Variants in FTO observed in about 807,000 individuals in gnomAD.
FTO encodes the protein alpha-ketoglutarate-dependent dioxygenase FTO.
A neutral mutation model predicts 63.9 loss-of-function variants in FTO; 47 were observed. The ratio of observed to expected loss-of-function variants is 0.74; its 90% confidence interval spans 0.58 to 0.94. The LOEUF is 0.94. Ranked by LOEUF, FTO falls within the 40% of genes least tolerant of loss-of-function variation. The pLI, the probability that FTO is intolerant of heterozygous loss-of-function variation, is 0.00. For missense variants in FTO, 562 were observed against 618.1 expected, an observed-to-expected ratio of 0.91 and a Z score of 0.96; for synonymous variants, 207 against 224.4, an observed-to-expected ratio of 0.92 and a Z score of 0.69.
intron 8 of FTO, among the ~76,000 whole-genome samples, chr16:54,107,919 G>A (rs2086792974): frequency 6.6e-6 from 1 of 152,132 alleles, no homozygotes; most frequent in Non-Finnish European, 1.5e-5. Flanking sequence ...TTATTCTCTT[G>A]ATTTTGCCCC....
At chr16:53,937,276 G>A (rs141360136) in intron 8 of FTO, 36 of 398,646 alleles carry the variant, frequency 9.0e-5, no homozygotes, top group African/African-American at 6.8e-4. Flanking sequence ...GACATCGGGA[G>A]AAGCTGTGTG....
At chr16:53,799,686 G>A (rs1291816028) in intron 1 of FTO, among the ~76,000 whole-genome samples, 2 of 152,146 alleles carry the variant, frequency 1.3e-5, no homozygotes, top group Admixed American at 6.5e-5. Context: ...CTACTTAGCC[G>A]AGGTCTTTTC....
chr16:53,934,192 C>A, intron 8 of FTO, 83 bp downstream of exon 8: 1 of 1,471,802 alleles, frequency 6.8e-7, no homozygotes, highest in Non-Finnish European at 9.5e-7. Flanking sequence ...TGGCTGGCCT[C>A]ATCCCTTTCC....
At chr16:54,048,550 G>C (rs2085239007) in intron 8 of FTO, among the ~76,000 whole-genome samples, 1 of 152,208 alleles carries the variant, frequency 6.6e-6, no homozygotes, top group Non-Finnish European at 1.5e-5. Flanking sequence ...AAGAACAATT[G>C]GGTGAAGATC....
intron 1 of FTO, among the ~76,000 whole-genome samples, chr16:53,760,895 G>A (rs546462698): frequency 7.8e-4 from 118 of 152,118 alleles, no homozygotes; most frequent in African/African-American, 2.6e-3. Flanking sequence ...CCAAAGTGCT[G>A]GGATTACAGG....
chr16:53,722,995 A>G (rs754358973), intron 1 of FTO, among the ~76,000 whole-genome samples: 12 of 152,106 alleles, frequency 7.9e-5, no homozygotes, highest in South Asian at 2.1e-4. Flanking sequence ...TCATTTTGCC[A>G]TTTCATCTAC....
intron 8 of FTO, among the ~76,000 whole-genome samples, chr16:54,033,109 C>A (rs1440784360): frequency 6.6e-6 from 1 of 152,138 alleles, no homozygotes; most frequent in Non-Finnish European, 1.5e-5. Flanking sequence ...TCCTTTATAG[C>A]AATGCAAGAA....
chr16:53,752,749 A>G (rs1310661373), intron 1 of FTO, among the ~76,000 whole-genome samples: 1 of 152,190 alleles, frequency 6.6e-6, no homozygotes, highest in Non-Finnish European at 1.5e-5. Flanking sequence ...GTGTGGCAGC[A>G]GTGTATCTGC....
chr16:53,803,791 A>G (rs559506571), intron 1 of FTO, among the ~76,000 whole-genome samples: 1 of 152,364 alleles, frequency 6.6e-6, no homozygotes, highest in Non-Finnish European at 1.5e-5. Context: ...CATATTAAAA[A>G]GTAGGTGATC....
At chr16:53,780,772 G>T (rs2077568635) in intron 1 of FTO, among the ~76,000 whole-genome samples, 1 of 152,112 alleles carries the variant, frequency 6.6e-6, no homozygotes, top group African/African-American at 2.4e-5. Context: ...TCATTTACTG[G>T]CTGTGTGATT....
intron 1 of FTO, among the ~76,000 whole-genome samples, chr16:53,747,102 A>T (rs1006819786): frequency 6.6e-6 from 1 of 152,174 alleles, no homozygotes; most frequent in Non-Finnish European, 1.5e-5. Flanking sequence ...TTGTCCATTC[A>T]TCTGTTGATG....
chr16:54,111,945 A>G lies in FTO; in HGVS notation c.*30A>G, dbSNP rs1216468868. 6.2e-7 allele frequency: 1 copy of G among 1,613,592 alleles called. No homozygotes were observed. Among genetic ancestry groups the G allele is most frequent in the Non-Finnish European group, 8.5e-7 (1 of 1,179,772 alleles). ...AGCACAAGTCTCAGGCGGAGGAGAAAAAGAGATCGGCTTTTCTCCTCCAAC... is the reference window on the plus strand; with the variant it reads ...AGCACAAGTCTCAGGCGGAGGAGAAGAAGAGATCGGCTTTTCTCCTCCAAC... On this transcript the variant is annotated 3_prime_UTR_variant, in exon 9 of 9. Transcript: ENST00000471389.
chr16:54,098,922 A>G (rs190652947), intron 8 of FTO, among the ~76,000 whole-genome samples: 235 of 152,350 alleles, frequency 1.5e-3, no homozygotes, highest in African/African-American at 5.6e-3. Flanking sequence ...GTGCGTTTAA[A>G]AATCACAGCC....
intron 8 of FTO, among the ~76,000 whole-genome samples, chr16:54,100,579 T>C (rs2086618667): frequency 1.3e-5 from 2 of 152,140 alleles, no homozygotes; most frequent in African/African-American, 4.8e-5. Context: ...GGTCTTGAAC[T>C]CCTGAGCTTA....
chr16:53,783,681 G>C (rs939569074), intron 1 of FTO, among the ~76,000 whole-genome samples: 1 of 150,912 alleles, frequency 6.6e-6, no homozygotes, highest in South Asian at 2.1e-4. Context: ...CCAGCTACTC[G>C]GGAGGCTGAG....
chr16:53,920,071 G>A (rs2081972466), intron 7 of FTO, among the ~76,000 whole-genome samples: 1 of 152,166 alleles, frequency 6.6e-6, no homozygotes, highest in Non-Finnish European at 1.5e-5. Flanking sequence ...TAGATTTAAT[G>A]TGACTCTGAC....
chr16:53,844,246 G>T lies in FTO; in HGVS notation c.843G>T (p.Glu281Asp), dbSNP rs778545208. Reference protein sequence around the residue: ...HVGFKISWDIETPGLAIPLHQ... With the variant: ...HVGFKISWDIDTPGLAIPLHQ... ...GTTTTAAGATCTCATGGGACATAGA[G>T]ACACCTGGTTTGGCGATACCCCTTC... Residue 281 changes from glutamate (E) to aspartate (D), a missense_variant, in exon 4 of 9, where the codon GAG (glutamate) becomes GAT (aspartate). Physicochemically the swap from Glu to Asp is conservative, Grantham distance 45. Transcript: ENST00000471389. 6.2e-6 allele frequency: 10 copies of T among 1,613,552 alleles called. No homozygotes were observed. Among genetic ancestry groups the T allele is most frequent in the Admixed American group, 1.7e-5 (1 of 60,010 alleles).
At chr16:54,062,356 T>C (rs1290556757) in intron 8 of FTO, among the ~76,000 whole-genome samples, 2 of 152,110 alleles carry the variant, frequency 1.3e-5, no homozygotes, top group Non-Finnish European at 2.9e-5. Context: ...CTGGGTATTG[T>C]AGTGTGCTTG....
intron 1 of FTO, among the ~76,000 whole-genome samples, chr16:53,738,246 T>G (rs1199517534): frequency 6.6e-6 from 1 of 152,146 alleles, no homozygotes; most frequent in African/African-American, 2.4e-5. Context: ...GGTCTCGAAC[T>G]CCCCACCTCA....
Sources: gnomAD v4.1 joint callset for allele counts (sites outside exome capture counted in the v4.1 genomes callset) on GRCh38, gnomAD v4.1.1 for gene constraint, MANE v1.5 for transcripts, NCBI Gene and HGNC (gene_info 2026-07-23, HGNC 2026-07-21) for gene names.